Variants in PRKCA observed in about 807,000 individuals in gnomAD.
PRKCA encodes protein kinase C alpha type.
Under a neutral mutation model 87.0 loss-of-function variants are expected in PRKCA, and 27 were observed. That is an observed-to-expected ratio of 0.31 (90% CI 0.23 to 0.43). The LOEUF is 0.43. Ranked by LOEUF, PRKCA falls within the 20% of genes least tolerant of loss-of-function variation. The pLI is 1.00. For missense variants in PRKCA, 518 were observed against 852.3 expected, an observed-to-expected ratio of 0.61 and a Z score of 4.88; for synonymous variants, 329 against 311.1, an observed-to-expected ratio of 1.06 and a Z score of -0.61.
At chr17:66,530,607 A>T (rs1263040848) in intron 3 of PRKCA, among the ~76,000 whole-genome samples, 1 of 152,142 alleles carries the variant, frequency 6.6e-6, no homozygotes, top group Admixed American at 6.6e-5. Context: ...AGAAGAGAGC[A>T]GGTGTTGGCT....
At chr17:66,657,899 A>G (rs938450659) in intron 5 of PRKCA, among the ~76,000 whole-genome samples, 1 of 152,218 alleles carries the variant, frequency 6.6e-6, no homozygotes, top group South Asian at 2.1e-4. Context: ...CCAACACTCC[A>G]TAAAGAAAGA....
intron 2 of PRKCA, among the ~76,000 whole-genome samples, chr17:66,483,616 C>G (rs1480401589): frequency 6.6e-6 from 1 of 152,006 alleles, no homozygotes; most frequent in Non-Finnish European, 1.5e-5. Flanking sequence ...GTGCTCACCA[C>G]CTCTCCCAGC....
At chr17:66,614,960 T>A (rs1970475857) in intron 3 of PRKCA, among the ~76,000 whole-genome samples, 1 of 149,766 alleles carries the variant, frequency 6.7e-6, no homozygotes, top group Admixed American at 6.7e-5. Context: ...GTGAAAGGAG[T>A]AGGGAGGGGG....
intron 3 of PRKCA, among the ~76,000 whole-genome samples, chr17:66,606,291 G>A (rs1567927236): frequency 6.6e-6 from 1 of 152,164 alleles, no homozygotes; most frequent in Non-Finnish European, 1.5e-5. Context: ...GGGAGGCTGA[G>A]GCAGGAGAAT....
At chr17:66,751,046 A>G (rs1169076461) in intron 13 of PRKCA, among the ~76,000 whole-genome samples, 1 of 152,204 alleles carries the variant, frequency 6.6e-6, no homozygotes, top group African/African-American at 2.4e-5. Context: ...ATTTGGTGGC[A>G]TGCTTTAATT....
chr17:66,593,087 G>A (rs1342313225), intron 3 of PRKCA, among the ~76,000 whole-genome samples: 1 of 152,192 alleles, frequency 6.6e-6, no homozygotes, highest in Non-Finnish European at 1.5e-5. Context: ...ACCGTGCCCG[G>A]CCCAATTCAT....
intron 3 of PRKCA, among the ~76,000 whole-genome samples, chr17:66,618,079 A>T (rs537074945): frequency 6.6e-6 from 1 of 152,240 alleles, no homozygotes; most frequent in South Asian, 2.1e-4. Context: ...TTCAGGCCGA[A>T]TGCAGTGGCT....
chr17:66,760,183 G>T (rs1201669264), intron 13 of PRKCA, among the ~76,000 whole-genome samples: 1 of 152,086 alleles, frequency 6.6e-6, no homozygotes, highest in African/African-American at 2.4e-5. Context: ...TTAACAAACT[G>T]AAAATAATAG....
At chr17:66,588,780 A>G (rs1270999461) in intron 3 of PRKCA, among the ~76,000 whole-genome samples, 2 of 151,344 alleles carry the variant, frequency 1.3e-5, no homozygotes, top group African/African-American at 2.4e-5. Context: ...AACTGGGATT[A>G]CAGGCACCCA....
At chr17:66,320,898 A>T (rs1905616400) in intron 2 of PRKCA, among the ~76,000 whole-genome samples, 1 of 152,224 alleles carries the variant, frequency 6.6e-6, no homozygotes. Context: ...GACTAAATGT[A>T]GTCATGGAGC....
chr17:66,427,744 A>G (rs1208672734), intron 2 of PRKCA, among the ~76,000 whole-genome samples: 1 of 152,176 alleles, frequency 6.6e-6, no homozygotes, highest in African/African-American at 2.4e-5. Context: ...ATTTGTTGCA[A>G]TTTCAATGTG....
At chr17:66,729,780 C>CTTTTTTTTTTTTT (rs60247180) in intron 8 of PRKCA, among the ~76,000 whole-genome samples, 1 of 105,104 alleles carries the variant, frequency 9.5e-6, no homozygotes. Flanking sequence ...GCGAGTTATT[C>CTTTTTTTTTTTTT]TTTTTTTTTT....
intron 2 of PRKCA, among the ~76,000 whole-genome samples, chr17:66,420,204 T>C (rs965268768): frequency 9.2e-5 from 14 of 151,864 alleles, no homozygotes; most frequent in Non-Finnish European, 2.1e-4. Flanking sequence ...AGAGACGGAG[T>C]TTCACCATGT....
intron 2 of PRKCA, among the ~76,000 whole-genome samples, chr17:66,338,564 G>A (rs1451015738): frequency 2.0e-5 from 3 of 152,004 alleles, no homozygotes; most frequent in African/African-American, 4.8e-5. Flanking sequence ...GGTATGATAA[G>A]GACTTAACAT....
chr17:66,499,761 TG>T (rs1265548374), intron 3 of PRKCA, among the ~76,000 whole-genome samples: 2 of 152,138 alleles, frequency 1.3e-5, no homozygotes, highest in Non-Finnish European at 2.9e-5. Flanking sequence ...AAAGTAATGA[TG>T]ATTAGATGAA....
chr17:66,314,895 GTGTGTGTA>G (rs1905231744), intron 2 of PRKCA, among the ~76,000 whole-genome samples: 2 of 151,476 alleles, frequency 1.3e-5, no homozygotes, highest in Admixed American at 1.3e-4. Context: ...GTGTGTGTGT[GTGTGTGTA>G]TGTATGTATG....
chr17:66,464,070 C>T (rs953198912), intron 2 of PRKCA, among the ~76,000 whole-genome samples: 38 of 152,192 alleles, frequency 2.5e-4, no homozygotes, highest in African/African-American at 9.2e-4. Flanking sequence ...ATCCATTGAT[C>T]CTTCTATTGT....
At chr17:66,746,633 C>A (rs1258614608) in intron 13 of PRKCA, among the ~76,000 whole-genome samples, 2 of 152,100 alleles carry the variant, frequency 1.3e-5, no homozygotes, top group Admixed American at 1.3e-4. Context: ...TCGATTAATA[C>A]CTTAGCGTCT....
At chr17:66,662,787 A>G (rs942468803) in intron 5 of PRKCA, among the ~76,000 whole-genome samples, 11 of 152,240 alleles carry the variant, frequency 7.2e-5, no homozygotes, top group African/African-American at 2.4e-4. Context: ...CAGCAATGGT[A>G]TAACAGCAAG....
Sources: gnomAD v4.1 joint callset for allele counts (sites outside exome capture counted in the v4.1 genomes callset) on GRCh38, gnomAD v4.1.1 for gene constraint, MANE v1.5 for transcripts, NCBI Gene and HGNC (gene_info 2026-07-23, HGNC 2026-07-21) for gene names.